The following TTF1 variants were observed in gnomAD, a reference collection of about 807,000 sequenced individuals.
TTF1 encodes transcription termination factor 1.
A neutral mutation model predicts 80.2 loss-of-function variants in TTF1; 64 were observed. The observed-to-expected ratio is 0.80, with a 90% CI of 0.65 to 0.98. The LOEUF (loss-of-function observed/expected upper bound fraction) is 0.98. Ranked by LOEUF, TTF1 falls within the 50% of genes least tolerant of loss-of-function variation. The probability of loss-of-function intolerance (pLI) is 0.00; values close to 1 mark genes in which losing one functional copy is unlikely to be tolerated. For missense variants in TTF1, 1,023 were observed against 1,086.2 expected (o/e 0.94, Z 0.82); for synonymous variants, 372 against 382.7 (o/e 0.97, Z 0.33).
intron 1 of TTF1, among the ~76,000 whole-genome samples, chr9:132,404,460 G>A (rs945166294): frequency 1.3e-5 from 2 of 152,050 alleles, no homozygotes; most frequent in Non-Finnish European, 2.9e-5. Context: ...TTATAGGAAG[G>A]AAAATGTGTG....
In TTF1 at chr9:132,398,213, T is replaced by G. The variant is rs780439400; in HGVS notation, c.1705A>C (p.Thr569Pro). 2.9e-5 allele frequency: 47 copies of G among 1,603,168 alleles called. No homozygotes were observed. The South Asian group carries it at 5.2e-4, about 18-fold the overall frequency. Residue 569 changes from threonine to proline, a missense_variant, in exon 4 of 11, where the codon ACG (threonine) becomes CCG (proline). Coordinates refer to ENST00000334270, the MANE Select transcript of TTF1 (RefSeq NM_007344.4). ...GATTTTTCCTCAGGATATCTGTCCG[T>G]GTACAGCAGCTTGTCTGCACTCTCA... ...GIESADKLLY[T>P]DRYPEEKSVI...
rs748239928 is a variant in TTF1 at position 132,376,254 on chromosome 9, A to G, written c.2465-86T>C. On this transcript the variant is annotated intron_variant, in intron 10 of 10. Transcript: ENST00000334270. ...GAGGCATACAGGAGGCTGGTAATGA[A>G]TATGAACTGCTCTTGTTATTGCTGT... The G allele has an allele frequency of 2.9e-6, 4 of 1,379,184 alleles. No individual in the cohort carries two copies. The South Asian group carries it at 4.2e-5, about 14-fold the overall frequency. The allele number at this position is 1,379,184 out of a possible 1,614,324, so 85.4% of individuals were successfully genotyped here. A position where few individuals can be genotyped will look rare whatever the true frequency, so the allele number is the denominator to read the frequency against.
intron 5 of TTF1, among the ~76,000 whole-genome samples, chr9:132,394,573 GC>G (rs1849613634): frequency 6.6e-6 from 1 of 152,052 alleles, no homozygotes; most frequent in Non-Finnish European, 1.5e-5. Context: ...GAGCCACTGT[GC>G]CTGGCCTACT....
chr9:132,397,928 G>A (rs997073898), intron 4 of TTF1, among the ~76,000 whole-genome samples: 1 of 152,026 alleles, frequency 6.6e-6, no homozygotes, highest in African/African-American at 2.4e-5. Context: ...GGAGGTTGCA[G>A]TGAGCCAAGA....
chr9:132,378,474 G>T, intron 10 of TTF1, among the ~76,000 whole-genome samples: 1 of 146,320 alleles, frequency 6.8e-6, no homozygotes, highest in Admixed American at 6.8e-5. Flanking sequence ...GTGTGTGAGT[G>T]CATGTGGTGT....
At chr9:132,397,553 A>T (rs1849674289) in intron 4 of TTF1, among the ~76,000 whole-genome samples, 1 of 152,234 alleles carries the variant, frequency 6.6e-6, no homozygotes, top group African/African-American at 2.4e-5. Flanking sequence ...TACACAAAAT[A>T]TAAATAAGGA....
At chr9:132,404,931 G>A (rs955194528) in intron 1 of TTF1, among the ~76,000 whole-genome samples, 5 of 152,070 alleles carry the variant, frequency 3.3e-5, no homozygotes, top group African/African-American at 1.2e-4. Context: ...TGTCGCCCAG[G>A]CTGGAGTGCA....
intron 3 of TTF1, among the ~76,000 whole-genome samples, chr9:132,398,936 G>A (rs1016581567): frequency 6.6e-6 from 1 of 152,074 alleles, no homozygotes; most frequent in Non-Finnish European, 1.5e-5. Flanking sequence ...AGTGGCTTAT[G>A]CATGTTATCC....
intron 9 of TTF1, among the ~76,000 whole-genome samples, chr9:132,380,654 C>T (rs951257624): frequency 1.3e-5 from 2 of 152,182 alleles, no homozygotes; most frequent in African/African-American, 2.4e-5. Context: ...AAGTGTTACA[C>T]CTCATTAGGT....
intron 10 of TTF1, among the ~76,000 whole-genome samples, chr9:132,377,769 TGTG>T (rs1332670367): frequency 1.6e-5 from 2 of 128,716 alleles, no homozygotes; most frequent in African/African-American, 6.1e-5. Context: ...TGTGAATGCA[TGTG>T]GTGTGTGTGA....
intron 1 of TTF1, among the ~76,000 whole-genome samples, chr9:132,406,284 A>C (rs556553564): frequency 3.9e-5 from 6 of 152,214 alleles, no homozygotes; most frequent in African/African-American, 7.2e-5. Context: ...CCAGATGTGA[A>C]TTCTGCATCT....
At chr9:132,378,463 T>G (rs1849293427) in intron 10 of TTF1, among the ~76,000 whole-genome samples, 2 of 125,414 alleles carry the variant, frequency 1.6e-5, no homozygotes, top group East Asian at 2.7e-4. Context: ...GTGCATGTGG[T>G]GTGTGTGAGT....
At chr9:132,400,383 G>C in intron 2 of TTF1, 125 bp from the exon 3 acceptor site, 1 of 741,494 alleles carries the variant, frequency 1.3e-6, no homozygotes, top group South Asian at 1.7e-5. Flanking sequence ...GAGTGCAATG[G>C]TGCGATCTCA....
In TTF1 at chr9:132,401,444, T is replaced by G. The variant is rs769247157; in HGVS notation, c.1367+11A>C. 1 of 1,593,168 alleles carries G rather than the reference T, an allele frequency of 6.3e-7. No individual in the cohort carries two copies. On this transcript the variant is annotated intron_variant, in intron 2 of 10. Transcript: ENST00000334270. ...AATATACCAGCAGCTGGAATACCAC[T>G]CCCTCGTTACCTTGGCGCCTCTTGC...
At chr9:132,392,325 C>G in intron 5 of TTF1, 119 bp from the exon 6 acceptor site, 1 of 1,175,896 alleles carries the variant, frequency 8.5e-7, no homozygotes, top group East Asian at 2.6e-5. Flanking sequence ...GTCAGGGAAC[C>G]CGGTCACAGC....
intron 9 of TTF1, among the ~76,000 whole-genome samples, chr9:132,383,475 T>A (rs1473997235): frequency 6.6e-6 from 1 of 152,168 alleles, no homozygotes; most frequent in Non-Finnish European, 1.5e-5. Context: ...TGAATGGTTA[T>A]GGGAAAAACC....
rs1849757304 is a variant in TTF1 at position 132,401,294 on chromosome 9, C to T, written c.1367+161G>A. On this transcript the variant is annotated intron_variant, in intron 2 of 10. Transcript: ENST00000334270. ...TAAGCCGAGATTGCACCATTGCACT[C>T]CAGCCTGGACAATAAGAGCAAATCT... Among the ~76,000 whole-genome samples, 7 of 151,648 alleles carry T rather than the reference C, an allele frequency of 4.6e-5. 1 individual carries two copies. In the South Asian group the frequency reaches 1.3e-3, roughly 27 times the overall value.
At position 132,402,834 on chromosome 9, in the gene TTF1, T is replaced by C; in HGVS notation, c.-7-6A>G. ...ATTCTCCTTCCATTTTATTCCTATATGGAAATGTGACAACAATGGTTTATT... is the reference window on the plus strand; with the variant it reads ...ATTCTCCTTCCATTTTATTCCTATACGGAAATGTGACAACAATGGTTTATT... On this transcript the variant is annotated splice_polypyrimidine_tract_variant and splice_region_variant and intron_variant, in intron 1 of 10. Coordinates refer to ENST00000334270, the MANE Select transcript of TTF1 (RefSeq NM_007344.4). The C allele has an allele frequency of 6.4e-7, 1 of 1,562,502 alleles. No individual in the cohort carries two copies. Among genetic ancestry groups the C allele is most frequent in the Non-Finnish European group, 8.6e-7 (1 of 1,162,226 alleles).
rs1371874634 is a variant in TTF1, at chr9:132,386,574, T to C, written c.2360A>G (p.Asp787Gly). The change falls in exon 9 of 11, where the codon GAT becomes GGT. Residue 787 changes from aspartate to glycine, a missense_variant. Asp to Gly is a moderately conservative substitution (Grantham distance 94). Coordinates refer to ENST00000334270, the MANE Select transcript of TTF1 (RefSeq NM_007344.4). ...GTCTTACCCTATGGCACTAGCAAGATCTTCCCAGTCTATTTCATTAGTATC... is the reference window on the plus strand; with the variant it reads ...GTCTTACCCTATGGCACTAGCAAGACCTTCCCAGTCTATTTCATTAGTATC... ...VEDTNEIDWE[D>G]LASAIGDVPP... 7 of 1,612,416 alleles carry C rather than the reference T, an allele frequency of 4.3e-6. No individual in the cohort carries two copies. The highest frequency in any genetic ancestry group is 5.9e-6 in the Non-Finnish European group (7 of 1,178,528).
Sources: allele counts gnomAD v4.1 joint callset (sites outside exome capture counted in the v4.1 genomes callset), GRCh38; gene constraint gnomAD v4.1.1; transcripts MANE v1.5; gene names NCBI Gene and HGNC (gene_info 2026-07-23, HGNC 2026-07-21).